Variants in OLFM3 observed in about 807,000 individuals in gnomAD.
OLFM3 encodes the protein olfactomedin 3, also known as noelin-3.
OLFM3 carries 20 observed loss-of-function variants against 48.6 expected under a neutral mutation model. The observed-to-expected ratio is 0.41, with a 90% CI of 0.29 to 0.60. The LOEUF (loss-of-function observed/expected upper bound fraction) is 0.60. Among genes scored for constraint, OLFM3 ranks in the 20% least tolerant of loss-of-function variants. The probability of loss-of-function intolerance (pLI) is 0.28; values close to 1 mark genes in which losing one functional copy is unlikely to be tolerated. For synonymous variants in OLFM3, 222 were observed against 198.1 expected, an observed-to-expected ratio of 1.12 and a Z score of -1.01; for missense variants, 437 against 544.3, an observed-to-expected ratio of 0.80 and a Z score of 1.96.
chr1:101,939,843 TG>T (rs951197934), intron 1 of OLFM3, among the ~76,000 whole-genome samples: 6 of 152,182 alleles, frequency 3.9e-5, no homozygotes, highest in African/African-American at 1.4e-4. Context: ...ATACTTACAT[TG>T]TTTTTAGGGT....
chr1:101,846,053 T>G (rs1349887063), intron 1 of OLFM3, among the ~76,000 whole-genome samples: 1 of 152,242 alleles, frequency 6.6e-6, no homozygotes, highest in Non-Finnish European at 1.5e-5. Context: ...TATTTGAATT[T>G]GTAAATTTCT....
intron 1 of OLFM3, among the ~76,000 whole-genome samples, chr1:101,846,569 C>T (rs1176461505): frequency 1.3e-5 from 2 of 151,802 alleles, no homozygotes; most frequent in African/African-American, 4.8e-5. Flanking sequence ...TTAAGAATTG[C>T]CCAAGCTTCC....
In OLFM3 at chr1:101,912,061, C is replaced by T. The variant is rs576037687; in HGVS notation, c.70-75036G>A. Among the ~76,000 whole-genome samples the T allele has an allele frequency of 2.0e-4, 31 of 152,256 alleles. 1 individual carries two copies. The South Asian group carries it at 5.6e-3, about 28-fold the overall frequency. On this transcript the variant is annotated intron_variant, in intron 1 of 5. Transcript: ENST00000370103. ...CAGCCAGGAGAAGAAGGGGGTTTAT[C>T]GAGCATCTCTGAGCTCTGTCTGACA...
chr1:101,930,837 G>T (rs1423701921), intron 1 of OLFM3, among the ~76,000 whole-genome samples: 1 of 152,200 alleles, frequency 6.6e-6, no homozygotes, highest in Non-Finnish European at 1.5e-5. Flanking sequence ...TGAGCCAGGA[G>T]CCAGGGCTCC....
chr1:101,952,574 A>C (rs2148909), intron 1 of OLFM3, among the ~76,000 whole-genome samples: 141,835 of 151,988 alleles, frequency 0.93, 66,426 homozygotes, highest in Middle Eastern at 0.98. Context: ...GTGTATATGT[A>C]TTGCATATGT....
intron 1 of OLFM3, among the ~76,000 whole-genome samples, chr1:101,948,514 T>G (rs189805876): frequency 7.9e-5 from 12 of 152,264 alleles, no homozygotes; most frequent in Admixed American, 3.3e-4. Flanking sequence ...TAGGTAATTT[T>G]TTTTGCCAAT....
chr1:101,854,767 G>C (rs902077253), intron 1 of OLFM3, among the ~76,000 whole-genome samples: 1 of 151,994 alleles, frequency 6.6e-6, no homozygotes, highest in Non-Finnish European at 1.5e-5. Flanking sequence ...GCAGTCTCAC[G>C]TGTACCCTTT....
At chr1:101,874,508 A>G (rs1257326843) in intron 1 of OLFM3, among the ~76,000 whole-genome samples, 1 of 151,502 alleles carries the variant, frequency 6.6e-6, no homozygotes, top group African/African-American at 2.4e-5. Flanking sequence ...TAATAATAAT[A>G]GTAACAGCAG....
intron 5 of OLFM3, among the ~76,000 whole-genome samples, chr1:101,805,587 GTTTCAGCGCTA>G (rs1339957453): frequency 1.3e-5 from 2 of 151,872 alleles, no homozygotes; most frequent in East Asian, 3.9e-4. Flanking sequence ...CCTCCCAGAA[GTTTCAGCGCTA>G]TTTCTTTTAA....
chr1:101,967,482 T>C (rs1382553839), intron 1 of OLFM3, among the ~76,000 whole-genome samples: 1 of 149,856 alleles, frequency 6.7e-6, no homozygotes, highest in Non-Finnish European at 1.5e-5. Flanking sequence ...AGATCAATTA[T>C]TCAGGGCTGG....
At chr1:101,912,731 C>G (rs1484878425) in intron 1 of OLFM3, among the ~76,000 whole-genome samples, 1 of 152,146 alleles carries the variant, frequency 6.6e-6, no homozygotes, top group African/African-American at 2.4e-5. Flanking sequence ...TACCTACAAT[C>G]TCTTATGATA....
chr1:101,830,920 T>A (rs1655118410), intron 2 of OLFM3, 93 bp from the exon 3 acceptor site: 2 of 1,090,424 alleles, frequency 1.8e-6, no homozygotes, highest in African/African-American at 3.2e-5. Context: ...ACATAAAAAC[T>A]AGAAGTGCCA....
At chr1:101,883,344 C>T (rs1003234213) in intron 1 of OLFM3, among the ~76,000 whole-genome samples, 10 of 149,118 alleles carry the variant, frequency 6.7e-5, no homozygotes, top group South Asian at 4.2e-4. Context: ...TCTATATATA[C>T]ACACACACAC....
At chr1:101,874,610 G>A (rs1353451405) in intron 1 of OLFM3, among the ~76,000 whole-genome samples, 1 of 151,856 alleles carries the variant, frequency 6.6e-6, no homozygotes, top group Non-Finnish European at 1.5e-5. Context: ...CAGATACTGA[G>A]GCAAGTGTCA....
intron 1 of OLFM3, among the ~76,000 whole-genome samples, chr1:101,909,324 A>T (rs1370118100): frequency 6.6e-6 from 1 of 152,258 alleles, no homozygotes; most frequent in African/African-American, 2.4e-5. Flanking sequence ...CATTCACATG[A>T]GCAAAAACTC....
intron 1 of OLFM3, among the ~76,000 whole-genome samples, chr1:101,909,059 G>T (rs1226704168): frequency 3.3e-5 from 5 of 152,142 alleles, no homozygotes; most frequent in Admixed American, 3.3e-4. Context: ...CCTTCACTTT[G>T]CTTACCTTCT....
intron 1 of OLFM3, among the ~76,000 whole-genome samples, chr1:101,868,525 G>A (rs182386836): frequency 1.1e-4 from 17 of 152,340 alleles, no homozygotes; most frequent in Admixed American, 7.2e-4. Context: ...AAGCAGCAAA[G>A]CATTGAAGAG....
At chr1:101,893,795 A>G (rs1658093839) in intron 1 of OLFM3, 1 of 152,740 alleles carries the variant, frequency 6.5e-6, no homozygotes, top group South Asian at 2.1e-4. Context: ...TTAATCATTG[A>G]ATTTAAGGTA....
At position 101,806,191 on chromosome 1, in the gene OLFM3, AG is replaced by A; in HGVS notation, c.593-10del. 6.2e-7 allele frequency: 1 copy of A among 1,607,298 alleles called. No homozygotes were observed. ...CATCAGTTTGCCACATGCTGAAATT[AG>A]AGAAACACAAACGTGTTAGGTGAAC... On this transcript the variant is annotated splice_polypyrimidine_tract_variant and intron_variant, in intron 4 of 5. Coordinates refer to ENST00000370103, the MANE Select transcript of OLFM3 (RefSeq NM_058170.4).
Sources: allele counts gnomAD v4.1 joint callset (sites outside exome capture counted in the v4.1 genomes callset), GRCh38; gene constraint gnomAD v4.1.1; transcripts MANE v1.5; gene names NCBI Gene and HGNC (gene_info 2026-07-23, HGNC 2026-07-21).